SLC12A3: variants seen among roughly 807,000 people sequenced by gnomAD.
SLC12A3 encodes the protein solute carrier family 12 member 3, also known as Na-Cl cotransporter.
Under a neutral mutation model 121.0 loss-of-function variants are expected in SLC12A3, and 104 were observed. The observed-to-expected ratio is 0.86, with a 90% CI of 0.73 to 1.01. The LOEUF (loss-of-function observed/expected upper bound fraction) is 1.01, where lower values mean the gene tolerates loss of function less well. SLC12A3 is among the 50% of genes least tolerant of loss of function. The probability of loss-of-function intolerance (pLI) is 0.00; values close to 1 mark genes in which losing one functional copy is unlikely to be tolerated. For synonymous variants in SLC12A3, 536 were observed against 533.4 expected (o/e 1.00, Z -0.07); for missense variants, 1,328 against 1,356.3 (o/e 0.98, Z 0.33).
chr16:56,865,781 G>C (rs1292998517), intron 1 of SLC12A3, among the ~76,000 whole-genome samples: 4 of 152,152 alleles, frequency 2.6e-5, no homozygotes, highest in African/African-American at 9.7e-5. Flanking sequence ...AAGCATGCAA[G>C]CAGGTTGCAC....
chr16:56,897,315 T>C (rs2055478576), intron 22 of SLC12A3, among the ~76,000 whole-genome samples: 1 of 152,128 alleles, frequency 6.6e-6, no homozygotes, highest in Non-Finnish European at 1.5e-5. Context: ...ATCCAATTAA[T>C]TAGCCAAAGA....
At position 56,865,319 on chromosome 16, in the gene SLC12A3, T is replaced by C. The variant is rs1271825354; in HGVS notation, c.84T>C (p.Ser28=). 6.2e-7 allele frequency: 1 copy of C among 1,613,886 alleles called. No homozygotes were observed. The highest frequency in any genetic ancestry group is 1.7e-5 in the Admixed American group (1 of 59,998). Residue 28 remains serine (S), a synonymous_variant, in exon 1 of 26, where the codon AGT becomes AGC. Coordinates refer to ENST00000563236, the MANE Select transcript of SLC12A3 (RefSeq NM_001126108.2). ...GRFTISTLLS[S]DEPSPPAAYD... Reference sequence around the variant, plus strand: ...TCACCATCAGCACACTGCTGAGCAGTGATGAGCCCTCTCCACCAGCTGCCT... The same window carrying C: ...TCACCATCAGCACACTGCTGAGCAGCGATGAGCCCTCTCCACCAGCTGCCT...
At position 56,869,801 on chromosome 16, in the gene SLC12A3, C is replaced by A; in HGVS notation, c.578C>A (p.Ser193Tyr). Residue 193 changes from serine (S) to tyrosine (Y), a missense_variant, in exon 4 of 26, where the codon TCC becomes TAC. Physicochemically the swap from Ser to Tyr is moderately radical, Grantham distance 144 (BLOSUM62 -2). Transcript: ENST00000563236. ...ACAGGCCTCTCCATCTCAGCCATCT[C>A]CACCAATGGCAAGGTCAAGTCAGGT... The part of the protein sequence containing the change: ...SITGLSISAI[S>Y]TNGKVKSGGT... The A allele has an allele frequency of 1.9e-6, 3 of 1,614,114 alleles. No individual in the cohort carries two copies. Among genetic ancestry groups the A allele is most frequent in the South Asian group, 2.2e-5 (2 of 91,074 alleles).
In SLC12A3 at chr16:56,886,355, C is replaced by T; in HGVS notation, c.1926-9C>T. On this transcript the variant is annotated splice_polypyrimidine_tract_variant and intron_variant, in intron 15 of 25. Coordinates refer to ENST00000563236, the MANE Select transcript of SLC12A3 (RefSeq NM_001126108.2). ...TGATGGCTCCTGCCCTTTTCCCTTCCCTCCTCAGCCCCCAGTGCCTGGTGC... is the reference window on the plus strand; with the variant it reads ...TGATGGCTCCTGCCCTTTTCCCTTCTCTCCTCAGCCCCCAGTGCCTGGTGC... 6.2e-7 allele frequency: 1 copy of T among 1,607,530 alleles called. No individual in the cohort carries two copies. The highest frequency in any genetic ancestry group is 8.5e-7 in the Non-Finnish European group (1 of 1,174,202).
intron 24 of SLC12A3, among the ~76,000 whole-genome samples, chr16:56,903,730 G>A (rs1167757499): frequency 6.6e-6 from 1 of 151,378 alleles, no homozygotes; most frequent in Admixed American, 6.6e-5. Flanking sequence ...GCCTTGGGTT[G>A]GAAGGAGTCT....
intron 24 of SLC12A3, among the ~76,000 whole-genome samples, chr16:56,903,166 T>A (rs2055562091): frequency 6.9e-6 from 1 of 144,974 alleles, no homozygotes; most frequent in African/African-American, 2.7e-5. Flanking sequence ...AAAAAAAAAA[T>A]TGTCCTGTGG....
intron 20 of SLC12A3, 44 bp from the exon 21 acceptor site, chr16:56,892,909 G>C: frequency 6.5e-7 from 1 of 1,534,780 alleles, no homozygotes; most frequent in Non-Finnish European, 9.0e-7. Flanking sequence ...CTGCCTGGAT[G>C]CGCGGCTGCT....
rs11643718 is a variant in SLC12A3, at chr16:56,899,607, G to A, written c.2711G>A (p.Arg904Gln). Residue 904 changes from arginine (R) to glutamine (Q), a missense_variant, in exon 23 of 26, where the codon CGG becomes CAG. Arg to Gln is a conservative substitution (Grantham distance 43). Transcript: ENST00000563236. ...CTCCCTGACATCAACCAGAACCCTC[G>A]GGCTGAGCAGTAAGTTCTGTTTTGG... The part of the protein sequence containing the change: ...HILPDINQNP[R>Q]AEHTKRFEDM... 0.1 allele frequency: 168,239 copies of A among 1,612,514 alleles called. 9,371 individuals carry two copies. Among genetic ancestry groups the A allele is most frequent in the Admixed American group, 0.16 (9,385 of 60,014 alleles).
At chr16:56,873,800 C>G (rs760122774) in intron 8 of SLC12A3, among the ~76,000 whole-genome samples, 1 of 151,840 alleles carries the variant, frequency 6.6e-6, no homozygotes, top group Admixed American at 6.6e-5. Flanking sequence ...CAACCTCCGC[C>G]TCCCGGGTTC....
Position 56,915,480 on chromosome 16 carries a change from C to T in SLC12A3, c.*2075C>T, listed in dbSNP as rs2055739528. 1 of 152,258 alleles carries T rather than the reference C, an allele frequency of 6.6e-6. No homozygotes were observed. The highest frequency in any genetic ancestry group is 1.5e-5 in the Non-Finnish European group (1 of 68,046). 9.4% of individuals were successfully genotyped at this position (152,258 alleles called of 1,614,324 possible). A position where few individuals can be genotyped will look rare whatever the true frequency, so the allele number is the denominator to read the frequency against. Reference sequence around the variant, plus strand: ...CCGCCTCAGGGCTTGCTACGAGGGACTGGGGCACGGCCAAGCTGACTAGGA... The same window carrying T: ...CCGCCTCAGGGCTTGCTACGAGGGATTGGGGCACGGCCAAGCTGACTAGGA... On this transcript the variant is annotated 3_prime_UTR_variant, in exon 26 of 26. Coordinates refer to ENST00000563236, the MANE Select transcript of SLC12A3 (RefSeq NM_001126108.2).
In SLC12A3 at chr16:56,872,666, TG is replaced by T. The variant is rs1215667472; in HGVS notation, c.976del (p.Val326SerfsTer44). Reference protein sequence around the residue: ...GFFSYRADIFVQNLVPDWRGP... With the variant: ...GFFSYRADIFXQNLVPDWRGP... ...GCCTTGCTTTTCCAGCGGACATTTT[TG>T]TCCAGAACTTGGTGCCTGACTGGCG... On this transcript the variant is annotated frameshift_variant, in exon 8 of 26. Coordinates refer to ENST00000563236, the MANE Select transcript of SLC12A3 (RefSeq NM_001126108.2). LOFTEE classifies it high-confidence loss of function. 6.2e-7 allele frequency: 1 copy of T among 1,614,262 alleles called. No individual in the cohort carries two copies. Among genetic ancestry groups the T allele is most frequent in the East Asian group, 2.2e-5 (1 of 44,884 alleles).
intron 14 of SLC12A3, among the ~76,000 whole-genome samples, chr16:56,885,035 A>G (rs1337870750): frequency 2.0e-5 from 3 of 152,066 alleles, no homozygotes; most frequent in Non-Finnish European, 2.9e-5. Flanking sequence ...CCAAAGTGCT[A>G]GGATTACAGG....
chr16:56,889,126 T>TTTTCTGTGTTCTGTGTG lies in SLC12A3; in HGVS notation c.2285+1095_2285+1096insTTTCTGTGTTCTGTGTG, dbSNP rs1230034511. Among the ~76,000 whole-genome samples, 848 of 152,274 alleles carry TTTTCTGTGTTCTGTGTG rather than the reference T, an allele frequency of 5.6e-3. 16 individuals are homozygous for TTTTCTGTGTTCTGTGTG. Among genetic ancestry groups the TTTTCTGTGTTCTGTGTG allele is most frequent in the South Asian group, 0.038 (184 of 4,822 alleles). ...TCTGTGTTGATGTTGTTGTGTGAGG[T>TTTTCTGTGTTCTGTGTG]ATCACTGAACAACATGAGGCTGAGG... On this transcript the variant is annotated intron_variant, in intron 18 of 25. Coordinates refer to ENST00000563236, the MANE Select transcript of SLC12A3 (RefSeq NM_001126108.2).
At chr16:56,886,243 A>G in intron 15 of SLC12A3, 121 bp from the exon 16 acceptor site, 2 of 695,058 alleles carry the variant, frequency 2.9e-6, no homozygotes, top group South Asian at 3.3e-5. Flanking sequence ...CGAGGCCCCA[A>G]GCATGTAGGG....
Position 56,904,458 on chromosome 16 carries a change from G to A in SLC12A3, c.2920G>A (p.Val974Ile), listed in dbSNP as rs373092349. 9.9e-5 allele frequency: 160 copies of A among 1,613,530 alleles called. No individual in the cohort carries two copies. Among genetic ancestry groups the A allele is most frequent in the East Asian group, 1.8e-4 (8 of 44,874 alleles). The change falls in exon 25 of 26, where the codon GTC becomes ATC. Residue 974 changes from valine to isoleucine, a missense_variant. Val to Ile is a conservative substitution (Grantham distance 29). Coordinates refer to ENST00000563236, the MANE Select transcript of SLC12A3 (RefSeq NM_001126108.2). ...LDYSRDAALI[V>I]ITLPIGRKGK... ...TTACTCCCGAGACGCTGCTCTCATC[G>A]TCATGTAAGTAGTGCCCGGCTGGTG...
At chr16:56,865,637 C>T (rs959181616) in intron 1 of SLC12A3, 120 bp downstream of exon 1, 3 of 1,145,236 alleles carry the variant, frequency 2.6e-6, no homozygotes, top group South Asian at 2.6e-5. Flanking sequence ...CGTCTTCTTC[C>T]TGGGTTGAGA....
Position 56,894,622 on chromosome 16 carries a change from G to A in SLC12A3, c.2613G>A (p.Arg871=), listed in dbSNP as rs2055437631. Residue 871 remains arginine, a synonymous_variant, in exon 22 of 26, where the codon AGG becomes AGA. Transcript: ENST00000563236. The part of the protein sequence containing the change: ...IRVFVGGQIN[R]MDQERKAIIS... ...TGTTCGTAGGCGGCCAGATTAACAG[G>A]ATGGACCAGGAGAGAAAGGCGTAAG... 2 of 1,613,934 alleles carry A rather than the reference G, an allele frequency of 1.2e-6. No individual in the cohort carries two copies. The highest frequency in any genetic ancestry group is 1.3e-5 in the African/African-American group (1 of 74,916).
chr16:56,906,756 A>G, intron 25 of SLC12A3: 1 of 738,242 alleles, frequency 1.4e-6, no homozygotes, highest in East Asian at 2.9e-5. Flanking sequence ...CTTTGGCATG[A>G]TTTATGATTC....
At chr16:56,869,239 C>T (rs1465786565) in intron 3 of SLC12A3, among the ~76,000 whole-genome samples, 1 of 152,150 alleles carries the variant, frequency 6.6e-6, no homozygotes, top group African/African-American at 2.4e-5. Context: ...TATTATTAAA[C>T]GAGGGTAGCT....
Sources: allele counts gnomAD v4.1 joint callset (sites outside exome capture counted in the v4.1 genomes callset), GRCh38; gene constraint gnomAD v4.1.1; transcripts MANE v1.5; gene names NCBI Gene and HGNC (gene_info 2026-07-23, HGNC 2026-07-21).